ADAMTS17: variants seen among roughly 807,000 people sequenced by gnomAD.
The protein encoded by ADAMTS17 is ADAM metallopeptidase with thrombospondin type 1 motif 17, also known as A disintegrin and metalloproteinase with thrombospondin motifs 17.
Under a neutral mutation model 141.5 loss-of-function variants are expected in ADAMTS17, and 113 were observed. The ratio of observed to expected loss-of-function variants is 0.80; its 90% CI spans 0.69 to 0.93. The LOEUF is 0.93. ADAMTS17 is among the 40% of genes least tolerant of loss of function. ADAMTS17 has a pLI of 0.00. For missense variants in ADAMTS17, 1,659 were observed against 1,517.9 expected (o/e 1.09, Z -1.54); for synonymous variants, 768 against 630.6 (o/e 1.22, Z -3.27).
At chr15:100,339,544 T>C (rs2046301529) in intron 2 of ADAMTS17, among the ~76,000 whole-genome samples, 1 of 151,988 alleles carries the variant, frequency 6.6e-6, no homozygotes, top group Admixed American at 6.6e-5. Context: ...TCACTCCTAC[T>C]TAAGCCTCCT....
chr15:100,316,289 G>A (rs1596506912), intron 3 of ADAMTS17, among the ~76,000 whole-genome samples: 1 of 152,236 alleles, frequency 6.6e-6, no homozygotes, highest in East Asian at 1.9e-4. Flanking sequence ...AGCATGTGAC[G>A]CTGGCCTTTG....
intron 7 of ADAMTS17, among the ~76,000 whole-genome samples, chr15:100,224,914 C>G (rs1393578110): frequency 6.6e-6 from 1 of 152,190 alleles, no homozygotes; most frequent in Non-Finnish European, 1.5e-5. Context: ...ACTTCAAGAA[C>G]CCCACAGACT....
chr15:100,262,270 C>G, intron 5 of ADAMTS17, 82 bp downstream of exon 5: 1 of 1,298,242 alleles, frequency 7.7e-7, no homozygotes. Context: ...CCCTGGAGCC[C>G]CGCTTAGCAT....
chr15:100,115,442 G>A (rs1205484319), intron 13 of ADAMTS17, among the ~76,000 whole-genome samples: 2 of 152,218 alleles, frequency 1.3e-5, no homozygotes, highest in African/African-American at 4.8e-5. Context: ...CAAAGGTGGT[G>A]TTCTTTTTAA....
chr15:100,253,529 A>AG, intron 7 of ADAMTS17, among the ~76,000 whole-genome samples: 1 of 8,024 alleles, frequency 1.2e-4, no homozygotes, highest in East Asian at 0.013. Context: ...AGGGGAAGAT[A>AG]AGGGAGGGGA....
chr15:100,185,893 T>C (rs1202466950), intron 8 of ADAMTS17, among the ~76,000 whole-genome samples: 2 of 152,224 alleles, frequency 1.3e-5, no homozygotes, highest in Non-Finnish European at 2.9e-5. Flanking sequence ...CTGAAGGGCT[T>C]GGCAGGACTA....
At chr15:100,082,068 T>C (rs568416228) in intron 15 of ADAMTS17, among the ~76,000 whole-genome samples, 159 of 152,326 alleles carry the variant, frequency 1.0e-3, no homozygotes, top group Middle Eastern at 6.8e-3. Context: ...TTATTGATTT[T>C]TTTGTTTTCT....
At chr15:100,246,799 T>C (rs2042999831) in intron 7 of ADAMTS17, among the ~76,000 whole-genome samples, 1 of 152,332 alleles carries the variant, frequency 6.6e-6, no homozygotes, top group South Asian at 2.1e-4. Context: ...AGTGATATTA[T>C]TTTTTCATAA....
At chr15:100,024,707 C>T (rs1232706371) in intron 18 of ADAMTS17, among the ~76,000 whole-genome samples, 2 of 152,144 alleles carry the variant, frequency 1.3e-5, no homozygotes, top group Non-Finnish European at 2.9e-5. Context: ...AAAAGTCCTC[C>T]TATGTATCCC....
intron 3 of ADAMTS17, among the ~76,000 whole-genome samples, chr15:100,287,183 T>A (rs923583305): frequency 6.6e-6 from 1 of 151,988 alleles, no homozygotes; most frequent in African/African-American, 2.4e-5. Flanking sequence ...CAAGACTCCA[T>A]CTCAAAAGAA....
intron 10 of ADAMTS17, among the ~76,000 whole-genome samples, chr15:100,139,285 G>T (rs2038504074): frequency 6.6e-6 from 1 of 152,202 alleles, no homozygotes; most frequent in East Asian, 1.9e-4. Context: ...ATAAGCCTGA[G>T]ATGAAATGAT....
rs1442872037 is a variant in ADAMTS17, at chr15:100,116,829, C to T, written c.1888+18G>A. 1.6e-5 allele frequency: 26 copies of T among 1,613,926 alleles called. No homozygotes were observed. Among genetic ancestry groups the T allele is most frequent in the Non-Finnish European group, 2.1e-5 (25 of 1,180,024 alleles). On this transcript the variant is annotated intron_variant, in intron 13 of 21. Transcript: ENST00000268070. Reference sequence around the variant, plus strand: ...AGGACAGGAGGCTGCCATGCAAGGACATGCCATATGCCTTTACCGTCAACC... The same window carrying T: ...AGGACAGGAGGCTGCCATGCAAGGATATGCCATATGCCTTTACCGTCAACC...
chr15:100,201,925 C>T (rs2041349200), intron 7 of ADAMTS17, among the ~76,000 whole-genome samples: 1 of 152,228 alleles, frequency 6.6e-6, no homozygotes, highest in Non-Finnish European at 1.5e-5. Flanking sequence ...GCACGCGGCC[C>T]ACGTGGGTGC....
intron 18 of ADAMTS17, among the ~76,000 whole-genome samples, chr15:100,003,650 G>A (rs1042919979): frequency 2.6e-5 from 4 of 152,138 alleles, no homozygotes; most frequent in Admixed American, 2.0e-4. Context: ...GTCCATCAAA[G>A]GATGAATAAA....
Position 99,974,393 on chromosome 15 carries a change from G to T in ADAMTS17, c.*9C>A. 6.2e-7 allele frequency: 1 copy of T among 1,614,096 alleles called. No individual in the cohort carries two copies. Among genetic ancestry groups the T allele is most frequent in the Non-Finnish European group, 8.5e-7 (1 of 1,180,040 alleles). ...AGTCTGAGCTTTGAGCGACCCTTGG[G>T]ACTGCGTGTCACGAGTTCGGCGGTG... On this transcript the variant is annotated 3_prime_UTR_variant, in exon 22 of 22. Coordinates refer to ENST00000268070, the MANE Select transcript of ADAMTS17 (RefSeq NM_139057.4).
intron 2 of ADAMTS17, 71 bp from the exon 3 acceptor site, chr15:100,331,125 G>C: frequency 6.3e-7 from 1 of 1,586,004 alleles, no homozygotes; most frequent in Non-Finnish European, 8.6e-7. Flanking sequence ...CCCCCGGAGG[G>C]GCAGGCAAGA....
At chr15:100,170,722 C>T (rs1007079113) in intron 8 of ADAMTS17, among the ~76,000 whole-genome samples, 1 of 152,168 alleles carries the variant, frequency 6.6e-6, no homozygotes, top group East Asian at 1.9e-4. Context: ...TTTTGTTTCC[C>T]TTTTAAACTG....
chr15:100,051,683 C>T lies in ADAMTS17; in HGVS notation c.2344G>A (p.Val782Ile). The stretch of plus-strand genomic sequence containing the variant: ...TTTTCCGCAGTGCGGTTTACAGGAA[C>T]AGTGTATTCATAATGAATTCCATAA... ...QDYGIHYEYT[V>I]PVNRTAENQS... Residue 782 changes from valine to isoleucine, a missense_variant, in exon 17 of 22, where the codon GTT becomes ATT. Transcript: ENST00000268070. The T allele has an allele frequency of 6.2e-7, 1 of 1,614,198 alleles. No individual in the cohort carries two copies. Among genetic ancestry groups the T allele is most frequent in the Non-Finnish European group, 8.5e-7 (1 of 1,180,040 alleles).
intron 20 of ADAMTS17, among the ~76,000 whole-genome samples, chr15:99,977,846 C>G (rs564894064): frequency 3.9e-5 from 6 of 152,234 alleles, no homozygotes; most frequent in Non-Finnish European, 7.4e-5. Flanking sequence ...TCTCTTCTCC[C>G]TTACATTGGC....
Sources: allele counts gnomAD v4.1 joint callset (sites outside exome capture counted in the v4.1 genomes callset), GRCh38; gene constraint gnomAD v4.1.1; transcripts MANE v1.5; gene names NCBI Gene and HGNC (gene_info 2026-07-23, HGNC 2026-07-21).